ARID4A: variants seen among roughly 807,000 people sequenced by gnomAD.
ARID4A encodes AT-rich interactive domain-containing protein 4A.
Under a neutral mutation model 148.6 loss-of-function variants are expected in ARID4A, and 39 were observed. The ratio of observed to expected loss-of-function variants is 0.26; its 90% CI spans 0.20 to 0.34. The LOEUF (loss-of-function observed/expected upper bound fraction) is 0.34, where lower values mean the gene tolerates loss of function less well. ARID4A is among the 10% of genes least tolerant of loss of function. The pLI is 1.00. For synonymous variants in ARID4A, 475 were observed against 481.2 expected, an observed-to-expected ratio of 0.99 and a Z score of 0.17; for missense variants, 1,265 against 1,449.1, an observed-to-expected ratio of 0.87 and a Z score of 2.06.
chr14:58,301,957 A>C (rs946311453), intron 3 of ARID4A, among the ~76,000 whole-genome samples: 1 of 152,204 alleles, frequency 6.6e-6, no homozygotes, highest in African/African-American at 2.4e-5. Flanking sequence ...ACTGTAATCT[A>C]TTTTCTCCCC....
chr14:58,345,615 A>G (rs766159564), intron 12 of ARID4A, among the ~76,000 whole-genome samples: 11 of 151,980 alleles, frequency 7.2e-5, no homozygotes, highest in Non-Finnish European at 1.3e-4. Context: ...TTCAGAAATC[A>G]TCCTTCAGAT....
In ARID4A at chr14:58,344,716, G is replaced by C; in HGVS notation, c.928G>C (p.Glu310Gln). 6.2e-7 allele frequency: 1 copy of C among 1,612,754 alleles called. No homozygotes were observed. Among genetic ancestry groups the C allele is most frequent in the Non-Finnish European group, 8.5e-7 (1 of 1,179,118 alleles). ...EEVPEEELDP[E>Q]ERDNFLQQLY... is the part of the protein sequence containing the mutation. ...ACAGCCTGAGGAAGAACTTGATCCTGAAGAGAGGGACAACTTCCTCCAGCA... is the reference window on the plus strand; with the variant it reads ...ACAGCCTGAGGAAGAACTTGATCCTCAAGAGAGGGACAACTTCCTCCAGCA... Residue 310 changes from glutamate to glutamine, a missense_variant, in exon 12 of 24, where the codon GAA (glutamate) becomes CAA (glutamine). Physicochemically the swap from Glu to Gln is conservative, Grantham distance 29 (BLOSUM62 2). Around this residue, in one of 9 missense-constraint regions of ARID4A, gnomAD observed 249 missense variants for 277.2 expected, o/e 0.90. Transcript: ENST00000355431.
intron 3 of ARID4A, 135 bp downstream of exon 3, chr14:58,301,825 A>T (rs762368733): frequency 5.8e-6 from 3 of 513,880 alleles, no homozygotes; most frequent in South Asian, 7.6e-5. Context: ...GGAAAAGCAC[A>T]TCAAAAATAA....
At chr14:58,312,413 G>T (rs1404382600) in intron 5 of ARID4A, among the ~76,000 whole-genome samples, 1 of 151,668 alleles carries the variant, frequency 6.6e-6, no homozygotes, top group Non-Finnish European at 1.5e-5. Flanking sequence ...ACGGGGTTTC[G>T]CCATGTTAGC....
At chr14:58,366,309 TAATAA>T in intron 22 of ARID4A, 79 bp downstream of exon 22, 2 of 1,127,938 alleles carry the variant, frequency 1.8e-6, no homozygotes, top group Non-Finnish European at 2.6e-6. Flanking sequence ...GGATTAATGT[TAATAA>T]AATAAGGAAT....
rs2030980994 is a variant in ARID4A, at chr14:58,299,824, T to C, written c.-31T>C. The C allele has an allele frequency of 6.2e-7, 1 of 1,614,160 alleles. No individual in the cohort carries two copies. ...TCTAGCGACTGCGAAGATAGCTCGC[T>C]GAGCTGGAACCCCACAGATCACCAA... On this transcript the variant is annotated 5_prime_UTR_variant, in exon 2 of 24. Transcript: ENST00000355431.
At position 58,366,014 on chromosome 14, in the gene ARID4A, T is replaced by C; in HGVS notation, c.3317-10T>C. The C allele has an allele frequency of 6.3e-7, 1 of 1,576,634 alleles. No individual in the cohort carries two copies. The highest frequency in any genetic ancestry group is 8.6e-7 in the Non-Finnish European group (1 of 1,160,176). ...TTATAATCTGAGTCAATCTTTTTTA[T>C]TATTTATAGGACAAAGCAGTGATAG... On this transcript the variant is annotated splice_polypyrimidine_tract_variant and intron_variant, in intron 21 of 23. Transcript: ENST00000355431.
chr14:58,340,451 G>A (rs552750957), intron 11 of ARID4A, among the ~76,000 whole-genome samples: 4 of 152,292 alleles, frequency 2.6e-5, no homozygotes, highest in Admixed American at 2.6e-4. Context: ...CTGGGTTCAG[G>A]TGATTCTCCT....
chr14:58,325,562 G>A (rs1168346392), intron 8 of ARID4A, among the ~76,000 whole-genome samples: 1 of 152,182 alleles, frequency 6.6e-6, no homozygotes, highest in Non-Finnish European at 1.5e-5. Context: ...TCACAGGTGT[G>A]AGCCACTGCG....
In ARID4A at chr14:58,366,011, T is replaced by G. The variant is rs757395347; in HGVS notation, c.3317-13T>G. Reference sequence around the variant, plus strand: ...TATTTATAATCTGAGTCAATCTTTTTTATTATTTATAGGACAAAGCAGTGA... The same window carrying G: ...TATTTATAATCTGAGTCAATCTTTTGTATTATTTATAGGACAAAGCAGTGA... On this transcript the variant is annotated splice_polypyrimidine_tract_variant and intron_variant, in intron 21 of 23. Coordinates refer to ENST00000355431, the MANE Select transcript of ARID4A (RefSeq NM_002892.4). 1 of 1,572,748 alleles carries G rather than the reference T, an allele frequency of 6.4e-7. No homozygotes were observed. Among genetic ancestry groups the G allele is most frequent in the Admixed American group, 1.9e-5 (1 of 52,952 alleles).
chr14:58,318,411 T>A, intron 5 of ARID4A, 131 bp from the exon 6 acceptor site: 1 of 935,600 alleles, frequency 1.1e-6, no homozygotes, highest in Non-Finnish European at 1.6e-6. Flanking sequence ...TGTAAAGGTT[T>A]TGAAAAATGA....
At chr14:58,331,554 T>G (rs1056253553) in intron 11 of ARID4A, 1 of 152,184 alleles carries the variant, frequency 6.6e-6, no homozygotes, top group African/African-American at 2.4e-5. Flanking sequence ...ACCATTTTGA[T>G]TGCCAAAAAC....
intron 11 of ARID4A, chr14:58,331,534 G>A (rs1407103530): frequency 6.6e-6 from 1 of 152,130 alleles, no homozygotes; most frequent in African/African-American, 2.4e-5. Context: ...ATTTTTTTGT[G>A]TGTTTAGTTA....
intron 5 of ARID4A, among the ~76,000 whole-genome samples, chr14:58,311,498 A>C (rs1212933501): frequency 1.3e-5 from 2 of 152,224 alleles, no homozygotes; most frequent in Non-Finnish European, 2.9e-5. Context: ...GGGAAAGTAA[A>C]TTAGTATAGC....
At chr14:58,350,896 A>G (rs939618873) in intron 15 of ARID4A, among the ~76,000 whole-genome samples, 177 bp from the exon 16 acceptor site, 5 of 152,148 alleles carry the variant, frequency 3.3e-5, no homozygotes, top group African/African-American at 1.2e-4. Flanking sequence ...TAATTAAGTA[A>G]TTCTATCAGT....
At chr14:58,299,960 T>G in intron 2 of ARID4A, 100 bp downstream of exon 2, 1 of 1,527,200 alleles carries the variant, frequency 6.5e-7, no homozygotes, top group Non-Finnish European at 9.1e-7. Flanking sequence ...TCAAAATTGA[T>G]GTTCCTACTG....
At chr14:58,302,969 A>T (rs896151815) in intron 3 of ARID4A, among the ~76,000 whole-genome samples, 1 of 150,976 alleles carries the variant, frequency 6.6e-6, no homozygotes, top group Non-Finnish European at 1.5e-5. Context: ...CAAAAAAAAA[A>T]TTTTTTTTTA....
intron 5 of ARID4A, among the ~76,000 whole-genome samples, chr14:58,311,980 T>G (rs1018152469): frequency 6.6e-6 from 1 of 152,042 alleles, no homozygotes; most frequent in Non-Finnish European, 1.5e-5. Context: ...TGATACAAAA[T>G]TTCAGTTAGA....
chr14:58,358,969 A>C (rs972253971), intron 17 of ARID4A, among the ~76,000 whole-genome samples, 163 bp from the exon 18 acceptor site: 22 of 152,184 alleles, frequency 1.4e-4, no homozygotes, highest in African/African-American at 5.3e-4. Context: ...TTACTGGCAC[A>C]TGTTACCAGC....
Sources: allele counts gnomAD v4.1 joint callset (sites outside exome capture counted in the v4.1 genomes callset), GRCh38; gene constraint gnomAD v4.1.1; regional missense constraint gnomAD v4.1.1; transcripts MANE v1.5; gene names NCBI Gene and HGNC (gene_info 2026-07-23, HGNC 2026-07-21).